Variants in CLEC18A observed in about 807,000 individuals in gnomAD.
The protein encoded by CLEC18A is mannose receptor-like 1.
Under a neutral mutation model 24.0 loss-of-function variants are expected in CLEC18A, and 5 were observed. The ratio of observed to expected loss-of-function variants is 0.21; its 90% CI spans 0.11 to 0.44. CLEC18A has a LOEUF of 0.44. Among genes scored for constraint, CLEC18A ranks in the 20% least tolerant of loss-of-function variants. The pLI is 0.99. For synonymous variants in CLEC18A, 29 were observed against 100.1 expected (o/e 0.29, Z 4.24); for missense variants, 83 against 233.4 (o/e 0.36, Z 4.20).
chr16:69,945,516 A>T, the CLEC18A span, among the ~76,000 whole-genome samples: 20 of 152,302 alleles, frequency 1.3e-4, no homozygotes, highest in African/African-American at 4.1e-4. Flanking sequence ...CAGTTTTCAA[A>T]TTTTTTTTGA....
chr16:69,965,219 C>T (rs1159839406), downstream of CLEC18A, among the ~76,000 whole-genome samples: 2 of 151,884 alleles, frequency 1.3e-5, no homozygotes, highest in African/African-American at 4.9e-5. Context: ...ATGCCCCCAG[C>T]TCTCTCTACC....
the CLEC18A span, among the ~76,000 whole-genome samples, chr16:69,944,220 C>T: frequency 2.2e-5 from 3 of 134,384 alleles, no homozygotes; most frequent in African/African-American, 4.9e-5. Context: ...CGCTTGAACC[C>T]GGGAGGCAGA....
intron 3 of CLEC18A, among the ~76,000 whole-genome samples, 194 bp downstream of exon 3, chr16:69,954,767 G>A (rs1325931376): frequency 6.6e-5 from 10 of 151,416 alleles, no homozygotes; most frequent in Non-Finnish European, 1.3e-4. Context: ...GCGTGATCTC[G>A]GCTCACTGCA....
At chr16:69,965,088 C>T (rs1175281070), downstream of CLEC18A, among the ~76,000 whole-genome samples, 4 of 151,596 alleles carry the variant, frequency 2.6e-5, no homozygotes, top group Non-Finnish European at 5.9e-5. Context: ...AGGCATGAGG[C>T]CCGGCGCCGG....
upstream of CLEC18A, among the ~76,000 whole-genome samples, chr16:69,950,371 G>A (rs1027535513): frequency 6.7e-4 from 87 of 128,990 alleles, 26 homozygotes; most frequent in Non-Finnish European, 1.5e-3. Context: ...TCCCCGAGAG[G>A]AACGTGGGCA....
upstream of CLEC18A, among the ~76,000 whole-genome samples, chr16:69,947,137 A>AG (rs1051529848): frequency 4.7e-5 from 3 of 64,344 alleles, no homozygotes; most frequent in Non-Finnish European, 8.1e-5. Flanking sequence ...GGCTTAAAAA[A>AG]CAGAATGTAT....
chr16:69,955,345 A>G (rs951291255), intron 3 of CLEC18A, among the ~76,000 whole-genome samples: 1 of 150,778 alleles, frequency 6.6e-6, no homozygotes, highest in Non-Finnish European at 1.5e-5. Context: ...AATTTCAAAC[A>G]TAAACGTATT....
At chr16:69,946,228 C>G (rs974380827), upstream of CLEC18A, among the ~76,000 whole-genome samples, 5 of 131,854 alleles carry the variant, frequency 3.8e-5, no homozygotes, top group African/African-American at 1.3e-4. Flanking sequence ...AGGAAGAGAT[C>G]AGGCCACTGC....
Position 69,963,024 on chromosome 16 carries a change from C to G in CLEC18A, c.1260C>G (p.Asn420Lys). Reference protein sequence around the residue: ...ELQASAAFNWNDQRCKTRNRY... With the variant: ...ELQASAAFNWKDQRCKTRNRY... ...AGGCTTCAGCTGCCTTCAACTGGAA[C>G]GACCAGCGCTGCAAAACCCGAAACC... Residue 420 changes from asparagine to lysine, a missense_variant, in exon 11 of 12, where the codon AAC becomes AAG. Physicochemically the swap from Asn to Lys is moderately conservative, Grantham distance 94 (BLOSUM62 0). Around this residue, in one of 3 missense-constraint regions of CLEC18A, gnomAD observed 11 missense variants for 57.6 expected, o/e 0.19. Coordinates refer to ENST00000288040, the MANE Select transcript of CLEC18A (RefSeq NM_001370523.4). The G allele has an allele frequency of 6.2e-7, 1 of 1,613,020 alleles. No homozygotes were observed. Among genetic ancestry groups the G allele is most frequent in the Non-Finnish European group, 8.5e-7 (1 of 1,179,634 alleles).
chr16:69,950,404 C>G (rs1400688348), upstream of CLEC18A, among the ~76,000 whole-genome samples: 4 of 127,412 alleles, frequency 3.1e-5, 1 homozygote, highest in Non-Finnish European at 7.5e-5. Flanking sequence ...CCGCAGGAAG[C>G]CATGTATTTT....
chr16:69,946,701 G>A (rs574742820), upstream of CLEC18A, among the ~76,000 whole-genome samples: 187 of 150,248 alleles, frequency 1.2e-3, no homozygotes, highest in Non-Finnish European at 1.7e-3. Flanking sequence ...ACTGTGCCTG[G>A]CCATGTGTGG....
At chr16:69,948,534 G>A (rs553775588), upstream of CLEC18A, among the ~76,000 whole-genome samples, 1 of 152,068 alleles carries the variant, frequency 6.6e-6, no homozygotes, top group East Asian at 1.9e-4. Flanking sequence ...GAGCTGGAGA[G>A]GGGTGGGATA....
At chr16:69,952,347 G>A in intron 2 of CLEC18A, 1 of 281,634 alleles carries the variant, frequency 3.6e-6, no homozygotes, top group South Asian at 6.0e-5. Flanking sequence ...GGGCCCCTTG[G>A]CTCCCACTCG....
chr16:69,946,094 A>G (rs1480410082), upstream of CLEC18A, among the ~76,000 whole-genome samples: 1 of 46,806 alleles, frequency 2.1e-5, no homozygotes, highest in Non-Finnish European at 3.5e-5. Context: ...CTCTGTCTCA[A>G]AAAAAAAAAA....
At chr16:69,943,972 T>C in the CLEC18A span, among the ~76,000 whole-genome samples, 5 of 133,516 alleles carry the variant, frequency 3.7e-5, no homozygotes, top group African/African-American at 1.2e-4. Flanking sequence ...TTCCACAAGG[T>C]ACCAACTTCC....
At position 69,954,262 on chromosome 16, in the gene CLEC18A, G is replaced by A; in HGVS notation, c.217-72G>A. ...CCCGGTGGATGCTCAGAGATGGCAG[G>A]GGAGTTGAATCTTTGAGGCCTGGCC... On this transcript the variant is annotated intron_variant, in intron 2 of 11. Coordinates refer to ENST00000288040, the MANE Select transcript of CLEC18A (RefSeq NM_001370523.4). 8 of 1,558,718 alleles carry A rather than the reference G, an allele frequency of 5.1e-6. 1 individual carries two copies. In the South Asian group the frequency reaches 6.7e-5, roughly 13 times the overall value.
chr16:69,964,116 CA>C (rs1959263276), downstream of CLEC18A: 1 of 142,658 alleles, frequency 7.0e-6, no homozygotes, highest in African/African-American at 2.8e-5. Flanking sequence ...CTTCATGGTC[CA>C]GGACACTCTC....
At chr16:69,944,641 C>G in the CLEC18A span, among the ~76,000 whole-genome samples, 1 of 151,544 alleles carries the variant, frequency 6.6e-6, no homozygotes, top group Non-Finnish European at 1.5e-5. Context: ...TCAAGACCAT[C>G]CTGGCTCACA....
At chr16:69,946,811 A>T (rs1451654042), upstream of CLEC18A, among the ~76,000 whole-genome samples, 2 of 65,442 alleles carry the variant, frequency 3.1e-5, no homozygotes, top group Admixed American at 3.1e-4. Context: ...CCTTTATTCT[A>T]GTAGGGTTTT....
Sources: gnomAD v4.1 joint callset for allele counts (sites outside exome capture counted in the v4.1 genomes callset) on GRCh38, gnomAD v4.1.1 for gene constraint, gnomAD v4.1.1 regional missense constraint, MANE v1.5 for transcripts, NCBI Gene and HGNC (gene_info 2026-07-23, HGNC 2026-07-21) for gene names.